DEF8: variants seen among roughly 807,000 people sequenced by gnomAD.
DEF8 encodes DEF-8.
A neutral mutation model predicts 59.1 loss-of-function variants in DEF8; 38 were observed. The ratio of observed to expected loss-of-function variants is 0.64; its 90% CI spans 0.50 to 0.84. The LOEUF (loss-of-function observed/expected upper bound fraction) is 0.84, where lower values mean the gene tolerates loss of function less well. Ranked by LOEUF, DEF8 falls within the 40% of genes least tolerant of loss-of-function variation. The pLI, the probability that DEF8 is intolerant of heterozygous loss-of-function variation, is 0.00. For synonymous variants in DEF8, 265 were observed against 250.1 expected (o/e 1.06, Z -0.56); for missense variants, 557 against 615.2 (o/e 0.91, Z 1.00).
Position 89,962,060 on chromosome 16 carries a change from G to T in DEF8, c.856G>T (p.Val286Leu). The T allele has an allele frequency of 6.2e-7, 1 of 1,614,086 alleles. No individual in the cohort carries two copies. Among genetic ancestry groups the T allele is most frequent in the Non-Finnish European group, 8.5e-7 (1 of 1,179,998 alleles). Residue 286 changes from valine to leucine, a missense_variant, in exon 9 of 13, where the codon GTA (valine) becomes TTA (leucine). Transcript: ENST00000563594. ...RYLALMVSRP[V>L]LRLREINPLL... ...CCTGGCGCTGATGGTGTCTCGGCCCGTACTCAGGCTCCGGGAGATCAACCC... is the reference window on the plus strand; with the variant it reads ...CCTGGCGCTGATGGTGTCTCGGCCCTTACTCAGGCTCCGGGAGATCAACCC...
At chr16:89,963,336 G>A (rs1479004971) in intron 9 of DEF8, 27 bp from the exon 10 acceptor site, 2 of 1,608,648 alleles carry the variant, frequency 1.2e-6, no homozygotes, top group Admixed American at 1.7e-5. Flanking sequence ...GGCTGAGGAG[G>A]CCTGCCTGCT....
At chr16:89,952,885 C>G (rs1567785191) in intron 2 of DEF8, among the ~76,000 whole-genome samples, 1 of 152,182 alleles carries the variant, frequency 6.6e-6, no homozygotes, top group African/African-American at 2.4e-5. Flanking sequence ...TGCCCAGTTG[C>G]AGGGCAGCCA....
At position 89,967,901 on chromosome 16, in the gene DEF8, C is replaced by T. The variant is rs2034694857; in HGVS notation, c.*1938C>T. Reference sequence around the variant, plus strand: ...CCGGTAAACGGAATCACGTATGGTTCTTTCTGTGGGTCTGTGGCACAGCAG... The same window carrying T: ...CCGGTAAACGGAATCACGTATGGTTTTTTCTGTGGGTCTGTGGCACAGCAG... On this transcript the variant is annotated 3_prime_UTR_variant, in exon 13 of 13. Coordinates refer to ENST00000563594, the MANE Select transcript of DEF8 (RefSeq NM_001242818.2). 6.5e-6 allele frequency: 1 copy of T among 154,004 alleles called. No homozygotes were observed. Among genetic ancestry groups the T allele is most frequent in the African/African-American group, 2.4e-5 (1 of 41,542 alleles). The allele number at this position is 154,004 out of a possible 1,614,324, so 9.5% of individuals were successfully genotyped here. A position where few individuals can be genotyped will look rare whatever the true frequency, so the allele number is the denominator to read the frequency against.
intron 2 of DEF8, among the ~76,000 whole-genome samples, chr16:89,950,769 C>T (rs2031887982): frequency 6.7e-6 from 1 of 150,360 alleles, no homozygotes; most frequent in Non-Finnish European, 1.5e-5. Flanking sequence ...TGCTTGAAGC[C>T]AGGAGTTTGA....
At chr16:89,958,458 C>T (rs62052239) in intron 5 of DEF8, 8,221 of 160,320 alleles carry the variant, frequency 0.051, 361 homozygotes, top group East Asian at 0.25. Flanking sequence ...GTGCTTTGGC[C>T]TGGCTGCCCT....
intron 12 of DEF8, among the ~76,000 whole-genome samples, 160 bp downstream of exon 12, chr16:89,964,735 A>G (rs984798483): frequency 2.0e-5 from 3 of 151,878 alleles, no homozygotes; most frequent in Admixed American, 1.3e-4. Flanking sequence ...TGACCCTGAG[A>G]TATGAAGTCA....
chr16:89,952,251 G>C (rs1241826175), intron 2 of DEF8, among the ~76,000 whole-genome samples: 2 of 152,196 alleles, frequency 1.3e-5, no homozygotes, highest in Non-Finnish European at 2.9e-5. Context: ...TCCTGCCTTG[G>C]CCTTCCAGAG....
At chr16:89,958,328 G>GTT (rs2033550986) in intron 5 of DEF8, 1 of 154,088 alleles carries the variant, frequency 6.5e-6, no homozygotes, top group Admixed American at 6.4e-5. Context: ...GGTGGGCTAA[G>GTT]TAAGTTCCTC....
Position 89,954,076 on chromosome 16 carries a change from G to A in DEF8, c.-10-167G>A, listed in dbSNP as rs1350583354. The A allele has an allele frequency of 1.4e-6, 1 of 695,492 alleles. No individual in the cohort carries two copies. The highest frequency in any genetic ancestry group is 2.3e-6 in the Non-Finnish European group (1 of 428,322). The allele number at this position is 695,492 out of a possible 1,614,324, so 43.1% of individuals were successfully genotyped here. A position where few individuals can be genotyped will look rare whatever the true frequency, so the allele number is the denominator to read the frequency against. On this transcript the variant is annotated intron_variant, in intron 2 of 12. Transcript: ENST00000563594. The surrounding 1 kb of genome is among the most constrained non-coding windows in gnomAD (Gnocchi z 4.3). ...GGCCTGGGCAGGAGGCAGCTGAGGT[G>A]TTTCAGGAAAAGGCTGAAGATCAAG...
At position 89,962,755 on chromosome 16, in the gene DEF8, A is replaced by G. The variant is rs2034197343; in HGVS notation, c.922-608A>G. On this transcript the variant is annotated intron_variant, in intron 9 of 12. Coordinates refer to ENST00000563594, the MANE Select transcript of DEF8 (RefSeq NM_001242818.2). ...TTATTTCAACATGAAATCAATGTAC[A>G]TTTTTGAGATATTTGCTTTCTTTTT... Among the ~76,000 whole-genome samples, 3 of 152,398 alleles carry G rather than the reference A, an allele frequency of 2.0e-5. No individual in the cohort carries two copies. In the South Asian group the frequency reaches 6.2e-4, roughly 32 times the overall value.
intron 5 of DEF8, chr16:89,958,383 G>A (rs2033557785): frequency 6.5e-6 from 1 of 154,570 alleles, no homozygotes; most frequent in African/African-American, 2.4e-5. Context: ...TCTTGAAGGT[G>A]ACAACAAAAG....
Position 89,954,066 on chromosome 16 carries a change from C to A in DEF8, c.-10-177C>A. On this transcript the variant is annotated intron_variant, in intron 2 of 12. Transcript: ENST00000563594. The surrounding 1 kb of genome is among the most constrained non-coding windows in gnomAD (Gnocchi z 4.3). The stretch of plus-strand genomic sequence containing the variant: ...CACCAGTGGGGGCCTGGGCAGGAGG[C>A]AGCTGAGGTGTTTCAGGAAAAGGCT... 1.6e-6 allele frequency: 1 copy of A among 641,828 alleles called. No homozygotes were observed. Among genetic ancestry groups the A allele is most frequent in the Non-Finnish European group, 2.6e-6 (1 of 382,456 alleles). The allele number at this position is 641,828 out of a possible 1,614,324, so 39.8% of individuals were successfully genotyped here. A position where few individuals can be genotyped will look rare whatever the true frequency, so the allele number is the denominator to read the frequency against.
At position 89,965,687 on chromosome 16, in the gene DEF8, C is replaced by T. The variant is rs148163348; in HGVS notation, c.1254-174C>T. On this transcript the variant is annotated intron_variant, in intron 12 of 12. Coordinates refer to ENST00000563594, the MANE Select transcript of DEF8 (RefSeq NM_001242818.2). ...GGACCCCTGGAGGTCCACATCTGCA[C>T]GCCCGTAAGCGCTCTGCACACGGCC... 2.8e-3 allele frequency among the ~76,000 whole-genome samples: 429 copies of T among 152,258 alleles called. 3 individuals carry two copies. Among genetic ancestry groups the T allele is most frequent in the African/African-American group, 9.7e-3 (405 of 41,552 alleles).
At chr16:89,961,149 C>A in intron 7 of DEF8, 54 bp downstream of exon 7, 1 of 1,581,274 alleles carries the variant, frequency 6.3e-7, no homozygotes, top group South Asian at 1.1e-5. Context: ...GGCGGGGAGC[C>A]GGGTGCACAG....
At chr16:89,962,841 G>A (rs537323027) in intron 9 of DEF8, among the ~76,000 whole-genome samples, 1 of 152,288 alleles carries the variant, frequency 6.6e-6, no homozygotes, top group Admixed American at 6.5e-5. Context: ...ACTGCACAGC[G>A]GCCACTTTGA....
chr16:89,956,373 T>A (rs560627009), intron 4 of DEF8, among the ~76,000 whole-genome samples: 1 of 150,384 alleles, frequency 6.6e-6, no homozygotes, highest in East Asian at 2.0e-4. Context: ...GGCAGGAGAA[T>A]CGCTTGAACC....
At position 89,955,231 on chromosome 16, in the gene DEF8, C is replaced by G. The variant is rs2032954894; in HGVS notation, c.187C>G (p.Leu63Val). The change falls in exon 4 of 13, where the codon CTC becomes GTC. Residue 63 changes from leucine (L) to valine (V), a missense_variant. By Grantham distance (32) the Leu-to-Val change is conservative. Transcript: ENST00000563594. ...CCGCTGCCCTGAACGCGTGATGGAT[C>G]TCGGCCTGTCTGAGGACCACTTCTC... ...EFRCPERVMD[L>V]GLSEDHFSRP... The G allele has an allele frequency of 6.2e-7, 1 of 1,613,462 alleles. No individual in the cohort carries two copies. Among genetic ancestry groups the G allele is most frequent in the Non-Finnish European group, 8.5e-7 (1 of 1,179,906 alleles).
At chr16:89,960,581 A>G in intron 6 of DEF8, among the ~76,000 whole-genome samples, 1 of 142,192 alleles carries the variant, frequency 7.0e-6, no homozygotes, top group Admixed American at 7.0e-5. Context: ...TGATATTGAA[A>G]GGGTGGAGCT....
In DEF8 at chr16:89,964,488, T is replaced by G; in HGVS notation, c.1166T>G (p.Val389Gly). ...CAGCGGTGCCAGGCCAAGGGCTTCG[T>G]GTGTGAGCTCTGCAGAGAGGGCGAC... Reference protein sequence around the residue: ...DCERCQAKGFVCELCREGDVL... With the variant: ...DCERCQAKGFGCELCREGDVL... The change falls in exon 12 of 13, where the codon GTG (valine) becomes GGG (glycine). Residue 389 changes from valine to glycine, a missense_variant. Transcript: ENST00000563594. The G allele has an allele frequency of 6.3e-7, 1 of 1,597,504 alleles. No homozygotes were observed. Among genetic ancestry groups the G allele is most frequent in the South Asian group, 1.1e-5 (1 of 88,370 alleles).
Sources: allele counts gnomAD v4.1 joint callset (sites outside exome capture counted in the v4.1 genomes callset), GRCh38; gene constraint gnomAD v4.1.1; non-coding constraint Gnocchi (gnomAD v3.1); transcripts MANE v1.5; gene names NCBI Gene and HGNC (gene_info 2026-07-23, HGNC 2026-07-21).